The following AIG1 variants were observed in gnomAD, a reference collection of about 807,000 sequenced individuals.
The protein encoded by AIG1 is androgen-induced gene 1 protein.
AIG1 carries 23 observed loss-of-function variants against 31.4 expected under a neutral mutation model. The ratio of observed to expected loss-of-function variants is 0.73; its 90% confidence interval spans 0.53 to 1.04. The LOEUF is 1.04. Ranked by LOEUF, AIG1 falls within the 50% of genes least tolerant of loss-of-function variation. The probability of loss-of-function intolerance (pLI) is 0.00; values close to 1 mark genes in which losing one functional copy is unlikely to be tolerated. For synonymous variants in AIG1, 100 were observed against 110.5 expected, an observed-to-expected ratio of 0.90 and a Z score of 0.60; for missense variants, 274 against 295.0, an observed-to-expected ratio of 0.93 and a Z score of 0.52.
intron 1 of AIG1, among the ~76,000 whole-genome samples, chr6:143,069,164 G>A (rs1183215802): frequency 6.6e-6 from 1 of 152,036 alleles, no homozygotes; most frequent in African/African-American, 2.4e-5. Context: ...ACAGGTGCAT[G>A]CCGCCACTCC....
At chr6:143,079,225 A>G (rs867914846) in intron 1 of AIG1, among the ~76,000 whole-genome samples, 6 of 151,354 alleles carry the variant, frequency 4.0e-5, no homozygotes, top group Non-Finnish European at 7.4e-5. Flanking sequence ...ATGCTAAAGG[A>G]AAAAAAAAGA....
rs1173507964 is a variant in AIG1 at position 143,064,816 on chromosome 6, C to T, written c.141+3750C>T. 3.3e-5 allele frequency among the ~76,000 whole-genome samples: 5 copies of T among 152,164 alleles called. No individual in the cohort carries two copies. The East Asian group carries it at 9.6e-4, about 29-fold the overall frequency. The stretch of plus-strand genomic sequence containing the variant: ...GATTTGTAAAGACTGGACTGTCAAG[C>T]GTGTCTGTGTGAAGAGACCACCAAA... On this transcript the variant is annotated intron_variant, in intron 1 of 5. Coordinates refer to ENST00000357847, the MANE Select transcript of AIG1 (RefSeq NM_016108.4).
intron 3 of AIG1, among the ~76,000 whole-genome samples, chr6:143,240,698 G>A (rs988334018): frequency 1.3e-5 from 2 of 152,022 alleles, no homozygotes; most frequent in African/African-American, 4.8e-5. Context: ...ACCAAAATCT[G>A]TACCAAATAT....
chr6:143,217,835 G>T (rs1792155933), intron 3 of AIG1, among the ~76,000 whole-genome samples: 2 of 152,176 alleles, frequency 1.3e-5, no homozygotes, highest in African/African-American at 4.8e-5. Flanking sequence ...TGATTACTTA[G>T]GATAAATTCT....
At chr6:143,196,668 A>G (rs1242880014) in intron 3 of AIG1, among the ~76,000 whole-genome samples, 15 of 152,154 alleles carry the variant, frequency 9.9e-5, no homozygotes. Flanking sequence ...ACTGTTTCTC[A>G]AGATAAATAT....
intron 3 of AIG1, among the ~76,000 whole-genome samples, chr6:143,260,175 C>G (rs1795655066): frequency 2.0e-5 from 3 of 152,206 alleles, no homozygotes; most frequent in South Asian, 4.2e-4. Context: ...AGGTGCCCAC[C>G]ACCACGCCTG....
intron 1 of AIG1, among the ~76,000 whole-genome samples, chr6:143,081,938 C>T (rs1184102584): frequency 6.6e-6 from 1 of 151,896 alleles, no homozygotes; most frequent in Non-Finnish European, 1.5e-5. Flanking sequence ...ATCTGCTTGG[C>T]GATTCCCTAT....
chr6:143,157,188 T>A (rs2128554559), intron 2 of AIG1, among the ~76,000 whole-genome samples: 2 of 152,342 alleles, frequency 1.3e-5, no homozygotes, highest in Middle Eastern at 3.4e-3. Flanking sequence ...TCTTGGCAAT[T>A]AGGAGTAAAA....
intron 4 of AIG1, among the ~76,000 whole-genome samples, chr6:143,306,915 T>C (rs910079389): frequency 2.6e-5 from 4 of 152,202 alleles, no homozygotes; most frequent in Non-Finnish European, 4.4e-5. Context: ...TATTCTTTTT[T>C]CTCCAAACTT....
At chr6:143,106,173 A>C (rs907997165) in intron 1 of AIG1, among the ~76,000 whole-genome samples, 1 of 152,170 alleles carries the variant, frequency 6.6e-6, no homozygotes, top group African/African-American at 2.4e-5. Context: ...AAAAGGGGAA[A>C]TATGGAAACA....
At chr6:143,233,622 T>C (rs1793612350) in intron 3 of AIG1, among the ~76,000 whole-genome samples, 1 of 150,432 alleles carries the variant, frequency 6.6e-6, no homozygotes, top group Admixed American at 6.6e-5. Context: ...AGAAAGCTGA[T>C]GTGTAGAAAA....
chr6:143,260,305 C>T (rs1055739362), intron 3 of AIG1, among the ~76,000 whole-genome samples: 3 of 152,224 alleles, frequency 2.0e-5, no homozygotes, highest in African/African-American at 7.2e-5. Flanking sequence ...CAGGCATGAG[C>T]CACCGCATCT....
intron 2 of AIG1, among the ~76,000 whole-genome samples, chr6:143,149,829 CTTG>C (rs938034030): frequency 6.6e-6 from 1 of 152,166 alleles, no homozygotes; most frequent in African/African-American, 2.4e-5. Context: ...ACCCAACGTG[CTTG>C]TTTCTAATAT....
intron 3 of AIG1, among the ~76,000 whole-genome samples, chr6:143,208,348 A>G (rs920654591): frequency 9.2e-5 from 14 of 152,346 alleles, no homozygotes; most frequent in African/African-American, 3.4e-4. Context: ...GCAAAATAAG[A>G]GCCATGGGCC....
At chr6:143,251,677 C>G (rs1402511422) in intron 3 of AIG1, among the ~76,000 whole-genome samples, 1 of 152,144 alleles carries the variant, frequency 6.6e-6, no homozygotes, top group African/African-American at 2.4e-5. Flanking sequence ...TTCTGTTTAC[C>G]TAGATTCCTC....
At chr6:143,095,981 A>G (rs1779743946) in intron 1 of AIG1, among the ~76,000 whole-genome samples, 1 of 138,122 alleles carries the variant, frequency 7.2e-6, no homozygotes, top group African/African-American at 2.8e-5. Context: ...ATCTCGGCTC[A>G]CTGCAACCTC....
chr6:143,318,718 CA>C (rs1466892227), intron 4 of AIG1, among the ~76,000 whole-genome samples: 1 of 151,766 alleles, frequency 6.6e-6, no homozygotes, highest in African/African-American at 2.4e-5. Flanking sequence ...AAAATCTTCA[CA>C]ATCTGTACAT....
rs71564430 is a variant in AIG1 at position 143,241,192 on chromosome 6, G to C, written c.400-42918G>C. 7.8e-3 allele frequency among the ~76,000 whole-genome samples: 1,195 copies of C among 152,274 alleles called. 11 individuals are homozygous for C. Among genetic ancestry groups the C allele is most frequent in the South Asian group, 0.012 (59 of 4,824 alleles). On this transcript the variant is annotated intron_variant, in intron 3 of 5. Transcript: ENST00000357847. ...TAAATGTTAGTCACTTTTAACAAAG[G>C]CTCAAGACAGCCCTGGAAGTCCTTG... is the stretch of plus-strand genomic sequence containing the variant.
At chr6:143,157,779 A>G (rs1198797930) in intron 2 of AIG1, among the ~76,000 whole-genome samples, 2 of 151,714 alleles carry the variant, frequency 1.3e-5, no homozygotes, top group African/African-American at 4.8e-5. Context: ...CTTTTCTTTA[A>G]TGGAGAATTA....
Sources: allele counts gnomAD v4.1 joint callset (sites outside exome capture counted in the v4.1 genomes callset), GRCh38; gene constraint gnomAD v4.1.1; transcripts MANE v1.5; gene names NCBI Gene and HGNC (gene_info 2026-07-23, HGNC 2026-07-21).